The following DAB1 variants were observed in gnomAD, a reference collection of about 807,000 sequenced individuals.
DAB1 encodes disabled homolog 1.
A neutral mutation model predicts 64.6 loss-of-function variants in DAB1; 15 were observed. The ratio of observed to expected loss-of-function variants is 0.23; its 90% confidence interval spans 0.16 to 0.36. DAB1 has a LOEUF of 0.36. Ranked by LOEUF, DAB1 falls within the 10% of genes least tolerant of loss-of-function variation. The pLI is 1.00. For missense variants in DAB1, 596 were observed against 706.7 expected (o/e 0.84, Z 1.78); for synonymous variants, 235 against 251.9 (o/e 0.93, Z 0.64).
intron 2 of DAB1, among the ~76,000 whole-genome samples, chr1:57,213,746 T>A (rs931443262): frequency 2.6e-5 from 4 of 152,184 alleles, no homozygotes; most frequent in Admixed American, 1.3e-4. Context: ...TAAAATGAAG[T>A]AGTTCAACCA....
intron 7 of DAB1, among the ~76,000 whole-genome samples, chr1:57,439,419 T>C (rs1395306392): frequency 8.8e-6 from 1 of 114,276 alleles, no homozygotes; most frequent in African/African-American, 3.9e-5. Context: ...GGTGATGAGG[T>C]TTTTTCTTTT....
chr1:58,026,263 G>T (rs1168535896), intron 5 of DAB1, among the ~76,000 whole-genome samples: 1 of 152,218 alleles, frequency 6.6e-6, no homozygotes, highest in Non-Finnish European at 1.5e-5. Flanking sequence ...AACATGGAAA[G>T]AATATCGCAA....
At chr1:57,866,545 T>C (rs1213492452) in intron 1 of DAB1, 2 of 152,180 alleles carry the variant, frequency 1.3e-5, no homozygotes, top group Non-Finnish European at 2.9e-5. Flanking sequence ...AGTACAATTC[T>C]AGAGCAGGAC....
At chr1:57,513,558 G>A (rs1459684826) in intron 7 of DAB1, among the ~76,000 whole-genome samples, 2 of 152,102 alleles carry the variant, frequency 1.3e-5, no homozygotes, top group Non-Finnish European at 2.9e-5. Context: ...AAGATTTAGT[G>A]ATTTAATTGA....
chr1:58,150,228 G>C (rs1182191138), intron 5 of DAB1, among the ~76,000 whole-genome samples: 1 of 152,144 alleles, frequency 6.6e-6, no homozygotes, highest in Non-Finnish European at 1.5e-5. Context: ...CTGGCCCCAA[G>C]GCACCCACAT....
chr1:57,658,404 C>T (rs188897341), intron 6 of DAB1, among the ~76,000 whole-genome samples: 51 of 148,756 alleles, frequency 3.4e-4, no homozygotes, highest in East Asian at 1.2e-3. Context: ...CCCGGGTTCA[C>T]GCCATTCTCC....
At chr1:58,093,330 G>A (rs764068510) in intron 5 of DAB1, among the ~76,000 whole-genome samples, 122 of 152,214 alleles carry the variant, frequency 8.0e-4, no homozygotes, top group Non-Finnish European at 1.4e-3. Flanking sequence ...TAAAGCGGGG[G>A]TCCCTAATTC....
intron 3 of DAB1, among the ~76,000 whole-genome samples, chr1:58,488,830 T>C (rs929036352): frequency 1.8e-4 from 28 of 152,252 alleles, no homozygotes; most frequent in African/African-American, 6.5e-4. Flanking sequence ...GTCTTATGCC[T>C]TTGCATCCTC....
intron 3 of DAB1, among the ~76,000 whole-genome samples, chr1:58,452,056 C>T (rs779392257): frequency 6.6e-6 from 1 of 151,946 alleles, no homozygotes; most frequent in Non-Finnish European, 1.5e-5. Flanking sequence ...CCTTAGCCTC[C>T]TGAGTGGCTG....
chr1:58,110,274 CT>C (rs950543880), intron 5 of DAB1, among the ~76,000 whole-genome samples: 5 of 151,548 alleles, frequency 3.3e-5, no homozygotes, highest in Admixed American at 6.6e-5. Context: ...AAACACAATA[CT>C]TTTTTTTTAC....
chr1:57,225,481 T>C (rs1424589528), intron 2 of DAB1, among the ~76,000 whole-genome samples: 4 of 152,160 alleles, frequency 2.6e-5, no homozygotes, highest in East Asian at 1.9e-4. Context: ...CACCCACCCA[T>C]GCCACCAAAG....
In DAB1 at chr1:57,632,011, A is replaced by C. The variant is rs543829386; in HGVS notation, n.625+17581T>G. On this transcript the variant is annotated intron_variant and non_coding_transcript_variant, in intron 7 of 20. Transcript: ENST00000485760. ...GAAAGGGTTATATCAGGCACAACAAATATTCCATTGTAGGCTTCTGAGGGA... is the reference window on the plus strand; with the variant it reads ...GAAAGGGTTATATCAGGCACAACAACTATTCCATTGTAGGCTTCTGAGGGA... 1.4e-4 allele frequency among the ~76,000 whole-genome samples: 21 copies of C among 152,338 alleles called. No individual in the cohort carries two copies. The South Asian group carries it at 3.5e-3, about 26-fold the overall frequency.
At chr1:57,034,278 C>CAA (rs375684000) in intron 9 of DAB1, among the ~76,000 whole-genome samples, 2 of 119,242 alleles carry the variant, frequency 1.7e-5, no homozygotes, top group South Asian at 5.7e-4. Context: ...GACTCCATTT[C>CAA]AAAAAAAAAA....
chr1:57,991,777 C>T (rs529219330), intron 5 of DAB1, among the ~76,000 whole-genome samples: 13 of 129,840 alleles, frequency 1.0e-4, no homozygotes, highest in South Asian at 2.5e-4. Context: ...ACCTGAGAGG[C>T]GAAGGCTGCA....
chr1:57,213,008 G>A (rs1323159244), intron 2 of DAB1, among the ~76,000 whole-genome samples: 1 of 152,144 alleles, frequency 6.6e-6, no homozygotes, highest in Non-Finnish European at 1.5e-5. Context: ...AGGACTAGAG[G>A]ACAATAGAGG....
intron 2 of DAB1, among the ~76,000 whole-genome samples, chr1:57,158,092 T>G (rs1410111105): frequency 6.6e-6 from 1 of 152,182 alleles, no homozygotes; most frequent in Non-Finnish European, 1.5e-5. Flanking sequence ...ATGCAAAACA[T>G]TGTGGTTACC....
At chr1:57,144,886 T>G (rs2100822529) in intron 3 of DAB1, among the ~76,000 whole-genome samples, 1 of 152,236 alleles carries the variant, frequency 6.6e-6, no homozygotes, top group South Asian at 2.1e-4. Context: ...ATGAATAAAA[T>G]CAACTTTTAT....
At chr1:57,510,399 C>T (rs1478983055) in intron 7 of DAB1, among the ~76,000 whole-genome samples, 1 of 152,172 alleles carries the variant, frequency 6.6e-6, no homozygotes, top group Non-Finnish European at 1.5e-5. Flanking sequence ...CTGGCTCCTC[C>T]TCTTCTTTGG....
intron 6 of DAB1, among the ~76,000 whole-genome samples, chr1:57,796,485 C>T (rs1650872545): frequency 6.6e-6 from 1 of 151,866 alleles, no homozygotes; most frequent in African/African-American, 2.4e-5. Context: ...TGAGATCGTG[C>T]CGCTGCATTC....
Sources: allele counts gnomAD v4.1 joint callset (sites outside exome capture counted in the v4.1 genomes callset), GRCh38; gene constraint gnomAD v4.1.1; transcripts MANE v1.5; gene names NCBI Gene and HGNC (gene_info 2026-07-23, HGNC 2026-07-21).